Variants in GALNTL6 observed in about 807,000 individuals in gnomAD.
GALNTL6 encodes polypeptide N-acetylgalactosaminyltransferase like 6.
In GALNTL6, 46 loss-of-function variants were observed where a neutral mutation model predicts 73.7. That is an observed-to-expected ratio of 0.62 (90% CI 0.49 to 0.80). The LOEUF (loss-of-function observed/expected upper bound fraction) is 0.80, where lower values mean the gene tolerates loss of function less well. Among genes scored for constraint, GALNTL6 ranks in the 30% least tolerant of loss-of-function variants. The probability of loss-of-function intolerance (pLI) is 0.00; values close to 1 mark genes in which losing one functional copy is unlikely to be tolerated. For missense variants in GALNTL6, 604 were observed against 755.0 expected (o/e 0.80, Z 2.34); for synonymous variants, 259 against 263.7 (o/e 0.98, Z 0.17).
intron 7 of GALNTL6, among the ~76,000 whole-genome samples, chr4:172,814,941 T>A (rs1741517357): frequency 6.6e-6 from 1 of 152,162 alleles, no homozygotes; most frequent in Non-Finnish European, 1.5e-5. Context: ...ACTGGAGAGT[T>A]TTTGAAAAGA....
chr4:172,860,094 G>A (rs1432967355), intron 7 of GALNTL6, among the ~76,000 whole-genome samples: 2 of 152,174 alleles, frequency 1.3e-5, no homozygotes, highest in Non-Finnish European at 2.9e-5. Flanking sequence ...TATCTTCCAT[G>A]AAATTGGTCC....
intron 4 of GALNTL6, among the ~76,000 whole-genome samples, chr4:172,318,098 C>T (rs1740629142): frequency 6.6e-6 from 1 of 152,172 alleles, no homozygotes; most frequent in South Asian, 2.1e-4. Context: ...GAAGCCATCT[C>T]TCAAAACTGT....
chr4:172,796,570 G>C (rs1189016820), intron 5 of GALNTL6, among the ~76,000 whole-genome samples: 1 of 152,108 alleles, frequency 6.6e-6, no homozygotes, highest in Non-Finnish European at 1.5e-5. Context: ...AATCTAAGAC[G>C]CATTTTTGGT....
intron 2 of GALNTL6, among the ~76,000 whole-genome samples, chr4:172,135,446 C>T (rs561952667): frequency 1.3e-5 from 2 of 151,950 alleles, no homozygotes; most frequent in East Asian, 1.9e-4. Flanking sequence ...AGAGTTGCCA[C>T]ATAACCTTTG....
chr4:172,016,915 C>T (rs13150257), intron 2 of GALNTL6, among the ~76,000 whole-genome samples: 3,362 of 152,074 alleles, frequency 0.022, 117 homozygotes, highest in African/African-American at 0.072. Flanking sequence ...TGGTTATATT[C>T]TTGATGTGTG....
At chr4:172,747,852 C>G (rs1348103766) in intron 5 of GALNTL6, among the ~76,000 whole-genome samples, 1 of 136,536 alleles carries the variant, frequency 7.3e-6, no homozygotes, top group Non-Finnish European at 1.6e-5. Context: ...AAAAAAAAAG[C>G]CACAGGAAAA....
chr4:172,685,151 G>T (rs1000334404), intron 5 of GALNTL6, among the ~76,000 whole-genome samples: 2 of 152,058 alleles, frequency 1.3e-5, no homozygotes, highest in African/African-American at 4.8e-5. Flanking sequence ...GAAAAGGAGA[G>T]AAATGTAGAA....
At chr4:172,106,824 G>T (rs915743242) in intron 2 of GALNTL6, among the ~76,000 whole-genome samples, 70 of 152,072 alleles carry the variant, frequency 4.6e-4, no homozygotes, top group Non-Finnish European at 1.8e-4. Context: ...TCATAGGGTG[G>T]ATATAAGAAT....
At chr4:172,962,065 A>G (rs2610217) in intron 10 of GALNTL6, among the ~76,000 whole-genome samples, 64,987 of 152,034 alleles carry the variant, frequency 0.43, 14,107 homozygotes, top group East Asian at 0.48. Flanking sequence ...AATTACAGTC[A>G]AAGGGGAGGG....
intron 5 of GALNTL6, among the ~76,000 whole-genome samples, chr4:172,545,180 A>T (rs536846947): frequency 2.9e-4 from 44 of 152,282 alleles, no homozygotes; most frequent in African/African-American, 9.6e-4. Flanking sequence ...CAACACAGAC[A>T]TTACTAAATG....
At chr4:172,587,102 C>CTTCT (rs1737441009) in intron 5 of GALNTL6, among the ~76,000 whole-genome samples, 1 of 151,408 alleles carries the variant, frequency 6.6e-6, no homozygotes, top group African/African-American at 2.4e-5. Flanking sequence ...TGTGTGTGCA[C>CTTCT]ATGTGAAAAT....
chr4:172,781,719 A>T (rs999688820), intron 5 of GALNTL6, among the ~76,000 whole-genome samples: 12 of 152,238 alleles, frequency 7.9e-5, no homozygotes, highest in African/African-American at 2.6e-4. Context: ...AAGGTTTTTT[A>T]ATCTTTGGAA....
intron 3 of GALNTL6, among the ~76,000 whole-genome samples, chr4:172,287,580 C>T (rs780658917): frequency 1.1e-4 from 16 of 152,102 alleles, no homozygotes; most frequent in Admixed American, 6.5e-5. Context: ...AAAAAATGTA[C>T]TTGCCAAGTC....
chr4:173,030,259 C>T (rs1753402292), intron 12 of GALNTL6, among the ~76,000 whole-genome samples: 2 of 152,200 alleles, frequency 1.3e-5, no homozygotes, highest in Non-Finnish European at 2.9e-5. Context: ...ACTATACATT[C>T]GCCCCAGCAA....
At chr4:172,675,865 G>A (rs1437842) in intron 5 of GALNTL6, among the ~76,000 whole-genome samples, 82,059 of 152,056 alleles carry the variant, frequency 0.54, 23,208 homozygotes, top group African/African-American at 0.72. Flanking sequence ...TTGGTGTTTT[G>A]TATCATTTCT....
At chr4:172,073,030 C>A (rs547060716) in intron 2 of GALNTL6, among the ~76,000 whole-genome samples, 7 of 152,106 alleles carry the variant, frequency 4.6e-5, no homozygotes, top group Admixed American at 2.6e-4. Context: ...TTGCTTTTCA[C>A]GAAATACAAT....
intron 2 of GALNTL6, among the ~76,000 whole-genome samples, chr4:171,835,332 G>A (rs760389366): frequency 2.6e-5 from 4 of 151,968 alleles, no homozygotes; most frequent in Non-Finnish European, 5.9e-5. Flanking sequence ...GTATCTGTGT[G>A]TGTCTGTATG....
chr4:172,962,824 A>G (rs904409918), intron 10 of GALNTL6, among the ~76,000 whole-genome samples: 21 of 151,894 alleles, frequency 1.4e-4, no homozygotes, highest in African/African-American at 4.4e-4. Context: ...CAGACCATAA[A>G]CAGCCTATAA....
intron 2 of GALNTL6, among the ~76,000 whole-genome samples, chr4:171,960,527 A>G (rs1297385688): frequency 6.6e-6 from 1 of 151,630 alleles, no homozygotes; most frequent in East Asian, 1.9e-4. Flanking sequence ...CAATCCACCC[A>G]CCTCAGCCTC....
Sources: allele counts gnomAD v4.1 joint callset (sites outside exome capture counted in the v4.1 genomes callset), GRCh38; gene constraint gnomAD v4.1.1; transcripts MANE v1.5; gene names NCBI Gene and HGNC (gene_info 2026-07-23, HGNC 2026-07-21).